SPDL1: variants seen among roughly 807,000 people sequenced by gnomAD.
SPDL1 encodes spindle apparatus coiled-coil protein 1, also known as protein Spindly.
Under a neutral mutation model 79.5 loss-of-function variants are expected in SPDL1, and 85 were observed. The ratio of observed to expected loss-of-function variants is 1.07; its 90% CI spans 0.90 to 1.28. The LOEUF (loss-of-function observed/expected upper bound fraction) is 1.28. SPDL1 is among the 50% of genes most tolerant of loss of function. The pLI is 0.00. For synonymous variants in SPDL1, 269 were observed against 240.3 expected (o/e 1.12, Z -1.10); for missense variants, 703 against 697.8 (o/e 1.01, Z -0.08).
chr5:169,585,669 T>G (rs1171592592), intron 1 of SPDL1, among the ~76,000 whole-genome samples: 1 of 152,234 alleles, frequency 6.6e-6, no homozygotes, highest in East Asian at 1.9e-4. Flanking sequence ...GTACAGGCTT[T>G]GAAAAGGTCT....
intron 8 of SPDL1, among the ~76,000 whole-genome samples, chr5:169,597,232 TTGTGTGTGTGTGTGTG>T (rs56336716): frequency 1.3e-5 from 2 of 149,206 alleles, no homozygotes; most frequent in African/African-American, 4.9e-5. Flanking sequence ...GTGTAAGCAT[TTGTGTGTGTGTGTGTG>T]TGTGTGTGTG....
At position 169,604,213 on chromosome 5, in the gene SPDL1, TGTC is replaced by T; in HGVS notation, c.*7_*9del. ...CCCAGTGCCCTCAACAGTAAAGACT[TGTC>T]TTTAATAAGAGTACGGTGCCACTTG... is the stretch of plus-strand genomic sequence containing the variant. On this transcript the variant is annotated 3_prime_UTR_variant, in exon 12 of 12. Transcript: ENST00000265295. The T allele has an allele frequency of 6.4e-7, 1 of 1,572,696 alleles. No homozygotes were observed. Among genetic ancestry groups the T allele is most frequent in the Non-Finnish European group, 8.6e-7 (1 of 1,164,030 alleles).
chr5:169,595,706 G>T (rs912137081), intron 7 of SPDL1: 1 of 152,096 alleles, frequency 6.6e-6, no homozygotes, highest in Non-Finnish European at 1.5e-5. Flanking sequence ...TTTTCTTACA[G>T]TATTTGTTGG....
At chr5:169,591,345 C>T in intron 3 of SPDL1, 121 bp downstream of exon 3, 1 of 946,430 alleles carries the variant, frequency 1.1e-6, no homozygotes. Context: ...TCTAAGTCTT[C>T]ATTATCTTAA....
At chr5:169,588,797 C>T (rs1755122653) in intron 2 of SPDL1, 3 of 337,212 alleles carry the variant, frequency 8.9e-6, no homozygotes, top group African/African-American at 2.1e-5. Flanking sequence ...TCATTACTCT[C>T]TTTGCCACAT....
At chr5:169,585,221 G>A (rs1010456860) in intron 1 of SPDL1, among the ~76,000 whole-genome samples, 5 of 152,124 alleles carry the variant, frequency 3.3e-5, no homozygotes, top group African/African-American at 1.2e-4. Flanking sequence ...GATTAGGACA[G>A]CTCCCCCTTG....
rs1165445175 is a variant in SPDL1 at position 169,604,275 on chromosome 5, T to G, written c.*68T>G. The G allele has an allele frequency of 7.2e-7, 1 of 1,384,592 alleles. No homozygotes were observed. The highest frequency in any genetic ancestry group is 9.6e-7 in the Non-Finnish European group (1 of 1,036,270). The allele number at this position is 1,384,592 out of a possible 1,614,324, so 85.8% of individuals were successfully genotyped here. ...GTTACTATGGTGCTTAAGATTGTCTTGATCTGACATATATCACCTTCTGGG... is the reference window on the plus strand; with the variant it reads ...GTTACTATGGTGCTTAAGATTGTCTGGATCTGACATATATCACCTTCTGGG... On this transcript the variant is annotated 3_prime_UTR_variant, in exon 12 of 12. Transcript: ENST00000265295.
chr5:169,602,052 G>T, intron 11 of SPDL1: 1 of 234,658 alleles, frequency 4.3e-6, no homozygotes, highest in Non-Finnish European at 8.4e-6. Context: ...TATGTCTTTT[G>T]AATTGCTTAT....
chr5:169,588,755 C>A (rs1755119482), intron 2 of SPDL1, 180 bp downstream of exon 2: 3 of 473,730 alleles, frequency 6.3e-6, no homozygotes, highest in African/African-American at 4.0e-5. Context: ...TCTTTCCACC[C>A]TAGTGTATTC....
Position 169,601,374 on chromosome 5 carries a change from C to A in SPDL1, c.1419C>A (p.Leu473=). The A allele has an allele frequency of 6.2e-7, 1 of 1,613,976 alleles. No individual in the cohort carries two copies. The highest frequency in any genetic ancestry group is 8.5e-7 in the Non-Finnish European group (1 of 1,179,988). ...AKDACVNNSA[L]GGEVYRLPPQ... ...ATGCATGTGTCAACAACAGTGCTCT[C>A]GGGGGAGAAGTTTATCGATTACCGC... is the stretch of plus-strand genomic sequence containing the variant. Residue 473 remains leucine (L), a synonymous_variant, in exon 11 of 12, where the codon CTC becomes CTA. Coordinates refer to ENST00000265295, the MANE Select transcript of SPDL1 (RefSeq NM_017785.5).
In SPDL1 at chr5:169,601,585, G is replaced by A; in HGVS notation, c.1630G>A (p.Ala544Thr). Residue 544 changes from alanine (A) to threonine (T), a missense_variant, in exon 11 of 12, where the codon GCC (alanine) becomes ACC (threonine). Ala to Thr is a moderately conservative substitution (Grantham distance 58, BLOSUM62 0). Transcript: ENST00000265295. ...KLIGVPADAE[A>T]LSERSGNTPN... ...CATAGGAGTTCCCGCTGACGCTGAG[G>A]CCTTAAGTGAAAGAAGTGGAAACAC... is the stretch of plus-strand genomic sequence containing the variant. 1 of 1,614,188 alleles carries A rather than the reference G, an allele frequency of 6.2e-7. No individual in the cohort carries two copies. The highest frequency in any genetic ancestry group is 1.3e-5 in the African/African-American group (1 of 75,056).
In SPDL1 at chr5:169,594,160, G is replaced by T; in HGVS notation, c.547G>T (p.Glu183Ter). ...TGTTAAATAGACCACCCTCAAAGAA[G>T]AAGTGAATGAACTACAATACAGACA... ...MESMKTTLKEEVNELQYRQEQ... is the reference protein window; with the variant it reads ...MESMKTTLKE Residue 183 changes from glutamate (E) to a stop codon, truncating the protein, a stop_gained, in exon 5 of 12, where the codon GAA (glutamate) becomes TAA (stop). Transcript: ENST00000265295. LOFTEE classifies it high-confidence loss of function. 1 of 1,604,536 alleles carries T rather than the reference G, an allele frequency of 6.2e-7. No homozygotes were observed. The highest frequency in any genetic ancestry group is 8.5e-7 in the Non-Finnish European group (1 of 1,177,544).
At chr5:169,584,268 T>C (rs775833563) in intron 1 of SPDL1, 3 of 151,990 alleles carry the variant, frequency 2.0e-5, no homozygotes, top group Admixed American at 1.3e-4. Context: ...TAATAATTTT[T>C]ATAATGATTA....
intron 3 of SPDL1, among the ~76,000 whole-genome samples, chr5:169,592,845 A>C (rs932781483): frequency 7.2e-6 from 1 of 138,846 alleles, no homozygotes; most frequent in Non-Finnish European, 1.5e-5. Flanking sequence ...CAAAGAGTAC[A>C]TTAGTGAAAT....
chr5:169,603,887 T>C (rs902214106), intron 11 of SPDL1, among the ~76,000 whole-genome samples, 173 bp from the exon 12 acceptor site: 1 of 152,184 alleles, frequency 6.6e-6, no homozygotes, highest in Non-Finnish European at 1.5e-5. Context: ...AGCCTATTGA[T>C]ATAAAAAGAC....
At chr5:169,590,343 A>C (rs1755209981) in intron 2 of SPDL1, among the ~76,000 whole-genome samples, 2 of 152,368 alleles carry the variant, frequency 1.3e-5, no homozygotes, top group East Asian at 3.9e-4. Context: ...TAAAACTGTT[A>C]TACTTAATCA....
chr5:169,601,098 A>G (rs1414932152), intron 10 of SPDL1, among the ~76,000 whole-genome samples, 182 bp from the exon 11 acceptor site: 2 of 152,250 alleles, frequency 1.3e-5, no homozygotes, highest in African/African-American at 4.8e-5. Flanking sequence ...TAAAATATAT[A>G]GTTTATATAG....
intron 8 of SPDL1, among the ~76,000 whole-genome samples, chr5:169,596,966 A>G (rs1755616995): frequency 6.6e-6 from 1 of 152,126 alleles, no homozygotes; most frequent in South Asian, 2.1e-4. Context: ...GAAAAGAAAA[A>G]TCTTTTTCCT....
At chr5:169,585,244 G>A (rs958480827) in intron 1 of SPDL1, among the ~76,000 whole-genome samples, 1 of 151,576 alleles carries the variant, frequency 6.6e-6, no homozygotes, top group African/African-American at 2.4e-5. Flanking sequence ...ACAGGCTCAG[G>A]TAGCATACAT....
Sources: allele counts gnomAD v4.1 joint callset (sites outside exome capture counted in the v4.1 genomes callset), GRCh38; gene constraint gnomAD v4.1.1; transcripts MANE v1.5; gene names NCBI Gene and HGNC (gene_info 2026-07-23, HGNC 2026-07-21).